The following BCL2 variants were observed in gnomAD, a reference collection of about 807,000 sequenced individuals.
BCL2 encodes the protein apoptosis regulator Bcl-2.
BCL2 carries 1 observed loss-of-function variant against 14.2 expected under a neutral mutation model. The ratio of observed to expected loss-of-function variants is 0.07; its 90% CI spans 0.02 to 0.33. The LOEUF (loss-of-function observed/expected upper bound fraction) is 0.33, where lower values mean the gene tolerates loss of function less well. Ranked by LOEUF, BCL2 falls within the 10% of genes least tolerant of loss-of-function variation. The pLI, the probability that BCL2 is intolerant of heterozygous loss-of-function variation, is 0.99. For missense variants in BCL2, 247 were observed against 305.9 expected, an observed-to-expected ratio of 0.81 and a Z score of 1.44; for synonymous variants, 151 against 137.2, an observed-to-expected ratio of 1.10 and a Z score of -0.70.
intron 2 of BCL2, among the ~76,000 whole-genome samples, chr18:63,193,582 ATGTG>A (rs201003163): frequency 0.058 from 8,127 of 139,374 alleles, 242 homozygotes; most frequent in Middle Eastern, 0.12. Context: ...AGTAGTATGT[ATGTG>A]TGTGTGTGTG....
intron 2 of BCL2, among the ~76,000 whole-genome samples, chr18:63,229,755 C>G (rs1218132456): frequency 6.6e-6 from 1 of 152,134 alleles, no homozygotes; most frequent in Non-Finnish European, 1.5e-5. Flanking sequence ...TATAAATTAC[C>G]CAGTCTCCGG....
At chr18:63,287,071 G>A (rs756420849) in intron 2 of BCL2, among the ~76,000 whole-genome samples, 3 of 151,986 alleles carry the variant, frequency 2.0e-5, no homozygotes, top group African/African-American at 4.8e-5. Context: ...TCTTTTCTCC[G>A]TCTCTCACTT....
Position 63,295,942 on chromosome 18 carries a change from A to AAGAAAAAC in BCL2, c.585+22139_585+22140insGTTTTTCT, listed in dbSNP as rs1399203573. Among the ~76,000 whole-genome samples the AAGAAAAAC allele has an allele frequency of 2.0e-5, 3 of 152,156 alleles. No homozygotes were observed. In the East Asian group the frequency reaches 5.8e-4, roughly 29 times the overall value. On this transcript the variant is annotated intron_variant, in intron 2 of 2. Transcript: ENST00000333681. ...CCTAACAGTAGTTGACTCCCAACAG[A>AAGAAAAAC]AGAAAACGCCCCCTGGTTGTGACCA...
At chr18:63,313,599 C>T (rs905912172) in intron 2 of BCL2, among the ~76,000 whole-genome samples, 3 of 152,204 alleles carry the variant, frequency 2.0e-5, no homozygotes, top group Non-Finnish European at 4.4e-5. Flanking sequence ...TTTTCTAGCA[C>T]AAATGCACTT....
Position 63,198,315 on chromosome 18 carries a change from GACACAGACACAGAGACACAC to G in BCL2, c.586-69576_586-69557del, listed in dbSNP as rs1257061063. Among the ~76,000 whole-genome samples the G allele has an allele frequency of 1.1e-4, 12 of 106,984 alleles. No individual in the cohort carries two copies. The East Asian group carries it at 2.5e-3, about 23-fold the overall frequency. The allele number at this position is 106,984 out of a possible 152,430, so 70.2% of individuals were successfully genotyped here. ...ACAGAGACACACACAGACACACACT[GACACAGACACAGAGACACAC>G]ACACAGACACAGAGACACACACAGA... On this transcript the variant is annotated intron_variant, in intron 2 of 2. Coordinates refer to ENST00000333681, the MANE Select transcript of BCL2 (RefSeq NM_000633.3).
chr18:63,266,224 T>C (rs1485764143), intron 2 of BCL2, among the ~76,000 whole-genome samples: 3 of 152,014 alleles, frequency 2.0e-5, no homozygotes, highest in Non-Finnish European at 4.4e-5. Context: ...AATGGGCTAT[T>C]ATGTAGACAC....
rs373334655 is a variant in BCL2 at position 63,168,087 on chromosome 18, T to C, written c.586-39328A>G. 3.1e-4 allele frequency among the ~76,000 whole-genome samples: 47 copies of C among 152,272 alleles called. 1 individual carries two copies. The South Asian group carries it at 9.1e-3, about 30-fold the overall frequency. The stretch of plus-strand genomic sequence containing the variant: ...CTAAACAACAACAACAACATGATTG[T>C]TGCCATCTGGCTGGAATGGGCAGGT... On this transcript the variant is annotated intron_variant, in intron 2 of 2. Coordinates refer to ENST00000333681, the MANE Select transcript of BCL2 (RefSeq NM_000633.3).
chr18:63,283,286 T>A (rs1912365711), intron 2 of BCL2, among the ~76,000 whole-genome samples: 1 of 152,214 alleles, frequency 6.6e-6, no homozygotes, highest in Non-Finnish European at 1.5e-5. Context: ...TTAAAAACAT[T>A]CCATGTCACC....
chr18:63,260,248 A>G (rs753060433), intron 2 of BCL2, among the ~76,000 whole-genome samples: 1 of 152,144 alleles, frequency 6.6e-6, no homozygotes, highest in Non-Finnish European at 1.5e-5. Context: ...CCATACATAC[A>G]CACACATGCA....
In BCL2 at chr18:63,149,104, G is replaced by A. The variant is rs116209912; in HGVS notation, c.586-20345C>T. 8.1e-3 allele frequency among the ~76,000 whole-genome samples: 1,231 copies of A among 152,254 alleles called. 17 individuals are homozygous for A. Among genetic ancestry groups the A allele is most frequent in the Middle Eastern group, 0.041 (12 of 294 alleles). On this transcript the variant is annotated intron_variant, in intron 2 of 2. Transcript: ENST00000333681. This position sits in a 1 kb window ranked among gnomAD's most constrained non-coding sequence, Gnocchi z 4.2. Reference sequence around the variant, plus strand: ...CTGACACCTCTGTCTCTTTGATAACGTTTACATTATGAGAAAAGAATCAAG... The same window carrying A: ...CTGACACCTCTGTCTCTTTGATAACATTTACATTATGAGAAAAGAATCAAG...
chr18:63,143,174 G>A (rs1599205394), intron 2 of BCL2, among the ~76,000 whole-genome samples: 1 of 152,262 alleles, frequency 6.6e-6, no homozygotes, highest in Non-Finnish European at 1.5e-5. Context: ...TATAGAACTA[G>A]AGAGAGAAGC....
intron 2 of BCL2, chr18:63,316,026 T>A (rs2144316571): frequency 6.5e-6 from 1 of 152,760 alleles, no homozygotes; most frequent in East Asian, 1.9e-4. Flanking sequence ...TTCTATGGTA[T>A]GTCATTGTGG....
chr18:63,269,920 T>C (rs1229082414), intron 2 of BCL2, among the ~76,000 whole-genome samples: 1 of 152,206 alleles, frequency 6.6e-6, no homozygotes, highest in Non-Finnish European at 1.5e-5. Flanking sequence ...AATTTCCTAG[T>C]GTTTTGAGGG....
intron 2 of BCL2, among the ~76,000 whole-genome samples, chr18:63,272,785 C>T (rs1486801792): frequency 6.6e-6 from 1 of 152,166 alleles, no homozygotes; most frequent in Non-Finnish European, 1.5e-5. Context: ...CAGGCAGTTT[C>T]TACTAAATTA....
intron 2 of BCL2, among the ~76,000 whole-genome samples, chr18:63,310,520 G>C (rs752903429): frequency 1.3e-5 from 2 of 152,176 alleles, no homozygotes; most frequent in Non-Finnish European, 2.9e-5. Context: ...CATTGTCCAG[G>C]ATTACAGTGA....
intron 2 of BCL2, among the ~76,000 whole-genome samples, chr18:63,245,469 A>G (rs1356423974): frequency 6.6e-6 from 1 of 152,238 alleles, no homozygotes; most frequent in Non-Finnish European, 1.5e-5. Context: ...TTCAGACTAA[A>G]AGCAGGACAG....
chr18:63,208,264 A>C (rs1909897986), intron 2 of BCL2: 1 of 152,248 alleles, frequency 6.6e-6, no homozygotes, highest in Non-Finnish European at 1.5e-5. Flanking sequence ...AGGTATAAAC[A>C]AGGCAATCTT....
intron 2 of BCL2, among the ~76,000 whole-genome samples, chr18:63,310,707 AT>A (rs1447598945): frequency 1.4e-4 from 22 of 152,332 alleles, no homozygotes; most frequent in African/African-American, 5.3e-4. Context: ...AAATAACCAG[AT>A]TCTAAAACCC....
At chr18:63,168,958 T>C (rs767308627) in intron 2 of BCL2, among the ~76,000 whole-genome samples, 43 of 152,230 alleles carry the variant, frequency 2.8e-4, no homozygotes, top group Non-Finnish European at 4.6e-4. Flanking sequence ...CATCTGTCTT[T>C]ATCTTGGGGT....
Sources: allele counts gnomAD v4.1 joint callset (sites outside exome capture counted in the v4.1 genomes callset), GRCh38; gene constraint gnomAD v4.1.1; non-coding constraint Gnocchi (gnomAD v3.1); transcripts MANE v1.5; gene names NCBI Gene and HGNC (gene_info 2026-07-23, HGNC 2026-07-21).